Variants in C12orf50 observed in about 807,000 individuals in gnomAD.
The protein encoded by C12orf50 is uncharacterized protein C12orf50.
Under a neutral mutation model 61.6 loss-of-function variants are expected in C12orf50, and 35 were observed. That is an observed-to-expected ratio of 0.57 (90% CI 0.43 to 0.75). The LOEUF is 0.75. C12orf50 is among the 30% of genes least tolerant of loss of function. The pLI, the probability that C12orf50 is intolerant of heterozygous loss-of-function variation, is 0.00. For missense variants in C12orf50, 475 were observed against 488.5 expected (o/e 0.97, Z 0.26); for synonymous variants, 178 against 161.5 (o/e 1.10, Z -0.77).
chr12:87,980,040 A>T lies in C12orf50; in HGVS notation c.*291T>A, dbSNP rs1425325236. 1 of 372,568 alleles carries T rather than the reference A, an allele frequency of 2.7e-6. No individual in the cohort carries two copies. The highest frequency in any genetic ancestry group is 4.8e-6 in the Non-Finnish European group (1 of 210,182). The allele number at this position is 372,568 out of a possible 1,614,324, so 23.1% of individuals were successfully genotyped here. On this transcript the variant is annotated 3_prime_UTR_variant, in exon 13 of 13. Coordinates refer to ENST00000298699, the MANE Select transcript of C12orf50 (RefSeq NM_152589.3). ...GGTTTACAATTAAAGAATGATTTTAATTGTCAAACTTTTAAATTTTATTAA... is the reference window on the plus strand; with the variant it reads ...GGTTTACAATTAAAGAATGATTTTATTTGTCAAACTTTTAAATTTTATTAA...
intron 3 of C12orf50, among the ~76,000 whole-genome samples, chr12:88,003,431 C>G (rs1274501270): frequency 6.6e-6 from 1 of 152,054 alleles, no homozygotes; most frequent in Non-Finnish European, 1.5e-5. Context: ...ATTTGAAATA[C>G]TGACTCAGGT....
chr12:87,990,077 C>T (rs1018430370), intron 7 of C12orf50, among the ~76,000 whole-genome samples: 14 of 152,148 alleles, frequency 9.2e-5, no homozygotes, highest in African/African-American at 2.9e-4. Context: ...AACATTGTGG[C>T]CAAAAAAACT....
At chr12:88,006,245 C>T (rs972257467) in intron 3 of C12orf50, among the ~76,000 whole-genome samples, 1 of 152,066 alleles carries the variant, frequency 6.6e-6, no homozygotes, top group Non-Finnish European at 1.5e-5. Context: ...TGTGTCTTTA[C>T]CGGGTTGTCT....
At chr12:88,027,682 G>A (rs1180945827) in intron 1 of C12orf50, 1 of 152,094 alleles carries the variant, frequency 6.6e-6, no homozygotes, top group Non-Finnish European at 1.5e-5. Context: ...TTGTTAATAT[G>A]CCAACAAAAG....
Position 87,985,035 on chromosome 12 carries a change from A to T in C12orf50, c.1126+815T>A, listed in dbSNP as rs1483482503. The T allele has an allele frequency of 3.9e-5, 6 of 152,152 alleles. No individual in the cohort carries two copies. In the South Asian group the frequency reaches 6.2e-4, roughly 16 times the overall value. 9.4% of individuals were successfully genotyped at this position (152,152 alleles called of 1,614,324 possible). A position where few individuals can be genotyped will look rare whatever the true frequency, so the allele number is the denominator to read the frequency against. On this transcript the variant is annotated intron_variant, in intron 11 of 12. Coordinates refer to ENST00000298699, the MANE Select transcript of C12orf50 (RefSeq NM_152589.3). ...ATAAGCTAATGTATATTTAAATTGT[A>T]AAAGAAATATATATACCTACTGTGT...
At chr12:88,015,029 G>A (rs2032260174) in intron 3 of C12orf50, among the ~76,000 whole-genome samples, 1 of 151,854 alleles carries the variant, frequency 6.6e-6, no homozygotes, top group African/African-American at 2.4e-5. Flanking sequence ...TTTGGACCTT[G>A]GATGAGAACA....
chr12:88,029,120 T>C (rs1435432427), intron 1 of C12orf50: 51 of 1,285,926 alleles, frequency 4.0e-5, no homozygotes, highest in East Asian at 1.7e-4. Context: ...ACTTCTGCCA[T>C]TTTCAACTCT....
intron 3 of C12orf50, among the ~76,000 whole-genome samples, chr12:88,016,565 A>G (rs7961840): frequency 0.49 from 73,981 of 152,076 alleles, 21,570 homozygotes; most frequent in Middle Eastern, 0.71. Context: ...TAGTTTATCT[A>G]CAGTCTGGAA....
intron 3 of C12orf50, among the ~76,000 whole-genome samples, chr12:88,013,296 C>T (rs1379093674): frequency 6.6e-6 from 1 of 152,166 alleles, no homozygotes; most frequent in East Asian, 1.9e-4. Flanking sequence ...TTCAGAACCT[C>T]AGGCTCCAGC....
chr12:87,987,820 G>C, intron 9 of C12orf50, 30 bp downstream of exon 9: 3 of 1,393,092 alleles, frequency 2.2e-6, no homozygotes, highest in East Asian at 4.6e-5. Context: ...ATATATCTGA[G>C]GCCAAAAAGT....
chr12:87,996,751 A>G, intron 4 of C12orf50, 105 bp from the exon 5 acceptor site: 1 of 736,712 alleles, frequency 1.4e-6, no homozygotes, highest in Non-Finnish European at 2.2e-6. Context: ...TGGATAGATT[A>G]CTTTTTTATA....
chr12:87,989,415 G>T, intron 7 of C12orf50, 44 bp from the exon 8 acceptor site: 1 of 1,386,778 alleles, frequency 7.2e-7, no homozygotes, highest in Non-Finnish European at 1.0e-6. Context: ...GGCAGAAAGT[G>T]ATACAAACTA....
chr12:88,000,445 T>C (rs1237074727), intron 3 of C12orf50, among the ~76,000 whole-genome samples: 2 of 152,044 alleles, frequency 1.3e-5, no homozygotes, highest in Non-Finnish European at 2.9e-5. Flanking sequence ...AGTTTTGTAG[T>C]AACTTGTAGA....
intron 3 of C12orf50, among the ~76,000 whole-genome samples, chr12:88,015,613 C>T (rs2032283382): frequency 6.6e-6 from 1 of 152,204 alleles, no homozygotes; most frequent in South Asian, 2.1e-4. Context: ...ATTACACTAA[C>T]TTCTAGTGCA....
At chr12:88,015,281 T>C (rs916982079) in intron 3 of C12orf50, among the ~76,000 whole-genome samples, 1 of 152,240 alleles carries the variant, frequency 6.6e-6, no homozygotes, top group Non-Finnish European at 1.5e-5. Flanking sequence ...GTTTATTAAA[T>C]TATTTAAAAA....
At chr12:88,014,917 A>C (rs1304137531) in intron 3 of C12orf50, among the ~76,000 whole-genome samples, 2 of 152,240 alleles carry the variant, frequency 1.3e-5, no homozygotes, top group Admixed American at 6.5e-5. Context: ...TATAAGTCCT[A>C]AAAAGCAAGA....
intron 3 of C12orf50, among the ~76,000 whole-genome samples, chr12:87,999,401 A>C (rs1049774492): frequency 2.6e-5 from 4 of 152,132 alleles, no homozygotes; most frequent in Non-Finnish European, 4.4e-5. Context: ...CTCTAGCCTC[A>C]GCAACAGAGC....
intron 7 of C12orf50, among the ~76,000 whole-genome samples, chr12:87,991,486 G>C (rs2031118679): frequency 6.6e-6 from 1 of 152,168 alleles, no homozygotes; most frequent in African/African-American, 2.4e-5. Flanking sequence ...AAAGAGCAGA[G>C]AGGAAGAGAA....
intron 3 of C12orf50, among the ~76,000 whole-genome samples, chr12:88,011,221 G>A (rs548216557): frequency 1.4e-4 from 22 of 151,850 alleles, no homozygotes; most frequent in African/African-American, 5.3e-4. Context: ...TTTTTTAAGG[G>A]AATAACCTTT....
Sources: allele counts gnomAD v4.1 joint callset (sites outside exome capture counted in the v4.1 genomes callset), GRCh38; gene constraint gnomAD v4.1.1; transcripts MANE v1.5; gene names NCBI Gene and HGNC (gene_info 2026-07-23, HGNC 2026-07-21).